TRHDE: variants seen among roughly 807,000 people sequenced by gnomAD.
TRHDE encodes thyrotropin-releasing hormone-degrading ectoenzyme.
In TRHDE, 72 loss-of-function variants were observed where a neutral mutation model predicts 125.7. The observed-to-expected ratio is 0.57, with a 90% CI of 0.47 to 0.70. The LOEUF (loss-of-function observed/expected upper bound fraction) is 0.70, where lower values mean the gene tolerates loss of function less well. Ranked by LOEUF, TRHDE falls within the 30% of genes least tolerant of loss-of-function variation. TRHDE has a pLI of 0.00. For missense variants in TRHDE, 1,110 were observed against 1,327.1 expected (o/e 0.84, Z 2.54); for synonymous variants, 509 against 509.1 (o/e 1.00, Z 0.00).
chr12:72,187,833 T>C (rs1877258702), intron 2 of TRHDE, among the ~76,000 whole-genome samples: 2 of 152,206 alleles, frequency 1.3e-5, no homozygotes, highest in Non-Finnish European at 2.9e-5. Flanking sequence ...AATTGAAAGA[T>C]ATGTACTGCC....
At chr12:72,291,994 T>C (rs898370120) in intron 2 of TRHDE, among the ~76,000 whole-genome samples, 1 of 152,260 alleles carries the variant, frequency 6.6e-6, no homozygotes, top group South Asian at 2.1e-4. Context: ...GGTACACTTA[T>C]GTTAAAAAAT....
chr12:72,405,036 A>C (rs1377331301), intron 3 of TRHDE, among the ~76,000 whole-genome samples: 1 of 152,218 alleles, frequency 6.6e-6, no homozygotes, highest in African/African-American at 2.4e-5. Flanking sequence ...CTAAGTAACA[A>C]ATTACAGTAT....
intron 2 of TRHDE, among the ~76,000 whole-genome samples, chr12:72,244,632 C>A (rs1439695721): frequency 6.6e-6 from 1 of 151,642 alleles, no homozygotes; most frequent in Non-Finnish European, 1.5e-5. Context: ...ATTAATGTCC[C>A]CATAAAATTT....
chr12:72,636,020 T>C (rs757047976), intron 15 of TRHDE, among the ~76,000 whole-genome samples: 1 of 150,578 alleles, frequency 6.6e-6, no homozygotes, highest in East Asian at 2.0e-4. Flanking sequence ...TTTAAAGTAG[T>C]TTTTTCCAAT....
chr12:72,362,882 C>T lies in TRHDE; in HGVS notation c.1189-15113C>T, dbSNP rs552818543. Among the ~76,000 whole-genome samples the T allele has an allele frequency of 1.3e-3, 191 of 151,938 alleles. 5 individuals carry two copies. In the South Asian group the frequency reaches 0.032, roughly 25 times the overall value. Reference sequence around the variant, plus strand: ...CAAAGATCGGATAGTTGTAGATACGCGACATTATTTCTGAGGGCTCTGTTC... The same window carrying T: ...CAAAGATCGGATAGTTGTAGATACGTGACATTATTTCTGAGGGCTCTGTTC... On this transcript the variant is annotated intron_variant, in intron 2 of 18. Transcript: ENST00000261180.
intron 7 of TRHDE, among the ~76,000 whole-genome samples, chr12:72,550,311 C>T: frequency 6.6e-6 from 1 of 152,018 alleles, no homozygotes; most frequent in East Asian, 1.9e-4. Flanking sequence ...TCTTTGTACA[C>T]ATTGCCATTT....
chr12:72,440,739 C>T (rs1196486190), intron 3 of TRHDE, among the ~76,000 whole-genome samples: 4 of 151,762 alleles, frequency 2.6e-5, no homozygotes, highest in African/African-American at 7.3e-5. Context: ...AACCCCCCTG[C>T]TGTATTCTTA....
intron 2 of TRHDE, among the ~76,000 whole-genome samples, chr12:72,109,663 A>G (rs575704618): frequency 6.6e-6 from 1 of 152,280 alleles, no homozygotes; most frequent in Non-Finnish European, 1.5e-5. Flanking sequence ...AAAGGAAAAA[A>G]TACCTTCCCC....
intron 3 of TRHDE, among the ~76,000 whole-genome samples, chr12:72,398,417 A>AT (rs951053256): frequency 2.6e-5 from 4 of 152,056 alleles, no homozygotes; most frequent in Non-Finnish European, 5.9e-5. Context: ...ACTTTTTGTC[A>AT]TTTTTTATAG....
intron 5 of TRHDE, among the ~76,000 whole-genome samples, chr12:72,495,060 G>GTTTTTTTTTTTTTTTTT (rs751243542): frequency 1.2e-4 from 7 of 58,390 alleles, no homozygotes; most frequent in Admixed American, 2.6e-4. Flanking sequence ...TTCCTCCCCC[G>GTTTTTTTTTTTTTTTTT]TTTTTTTTTT....
chr12:72,620,065 T>A (rs1872980948), intron 13 of TRHDE, among the ~76,000 whole-genome samples: 1 of 152,100 alleles, frequency 6.6e-6, no homozygotes, highest in African/African-American at 2.4e-5. Flanking sequence ...TCATTACAGT[T>A]ATGATACAAT....
intron 2 of TRHDE, among the ~76,000 whole-genome samples, chr12:72,328,130 C>A (rs1446034085): frequency 6.6e-6 from 1 of 152,156 alleles, no homozygotes; most frequent in East Asian, 1.9e-4. Flanking sequence ...CCAAAATATT[C>A]AAATCTGAGG....
rs1878803094 is a variant in TRHDE at position 72,255,879 on chromosome 12, C to G, written n.280-122116C>G. The G allele has an allele frequency of 3.9e-5, 6 of 152,196 alleles. No individual in the cohort carries two copies. The South Asian group carries it at 1.2e-3, about 32-fold the overall frequency. The allele number at this position is 152,196 out of a possible 1,614,324, so 9.4% of individuals were successfully genotyped here. A position where few individuals can be genotyped will look rare whatever the true frequency, so the allele number is the denominator to read the frequency against. On this transcript the variant is annotated intron_variant and non_coding_transcript_variant, in intron 2 of 4. Transcript: ENST00000548156. ...CATCTAGCTGCTCAGATCAAACATCCTGGTATCAACCTTGAGGTTTCTTAC... is the reference window on the plus strand; with the variant it reads ...CATCTAGCTGCTCAGATCAAACATCGTGGTATCAACCTTGAGGTTTCTTAC...
At chr12:72,562,785 T>G in intron 8 of TRHDE, 68 bp from the exon 9 acceptor site, 1 of 1,003,042 alleles carries the variant, frequency 1.0e-6, no homozygotes, top group Non-Finnish European at 1.4e-6. Context: ...GAAATAAAAA[T>G]GTCTTAATGT....
chr12:72,283,729 C>G (rs1879778603), intron 1 of TRHDE, among the ~76,000 whole-genome samples: 1 of 152,008 alleles, frequency 6.6e-6, no homozygotes, highest in Admixed American at 6.6e-5. Flanking sequence ...GTATTTACAT[C>G]TTTTACACAT....
chr12:72,609,318 A>T (rs1441615902), intron 12 of TRHDE, among the ~76,000 whole-genome samples: 1 of 152,244 alleles, frequency 6.6e-6, no homozygotes, highest in African/African-American at 2.4e-5. Context: ...TAACCACAAT[A>T]TTTAACAATA....
intron 2 of TRHDE, among the ~76,000 whole-genome samples, chr12:72,141,686 G>A (rs539439782): frequency 2.0e-5 from 3 of 152,340 alleles, no homozygotes; most frequent in African/African-American, 7.2e-5. Flanking sequence ...CATCTTTAAT[G>A]AGTTTACAGT....
intron 2 of TRHDE, among the ~76,000 whole-genome samples, chr12:72,127,180 G>T (rs775301926): frequency 3.3e-5 from 5 of 152,006 alleles, no homozygotes; most frequent in Non-Finnish European, 5.9e-5. Flanking sequence ...TTATCAAAAC[G>T]TTAAAAAATA....
chr12:72,600,352 G>A (rs1872159219), intron 12 of TRHDE, among the ~76,000 whole-genome samples: 1 of 151,996 alleles, frequency 6.6e-6, no homozygotes, highest in Non-Finnish European at 1.5e-5. Context: ...GGACAACATG[G>A]CCATTTTAAT....
Sources: gnomAD v4.1 joint callset for allele counts (sites outside exome capture counted in the v4.1 genomes callset) on GRCh38, gnomAD v4.1.1 for gene constraint, MANE v1.5 for transcripts, NCBI Gene and HGNC (gene_info 2026-07-23, HGNC 2026-07-21) for gene names.